Variants in ROCK2 observed in about 807,000 individuals in gnomAD.
ROCK2 encodes Rho associated coiled-coil containing protein kinase 2, also known as rho-associated protein kinase 2.
In ROCK2, 61 loss-of-function variants were observed where a neutral mutation model predicts 195.1. The ratio of observed to expected loss-of-function variants is 0.31; its 90% CI spans 0.25 to 0.39. ROCK2 has a LOEUF of 0.39. Among genes scored for constraint, ROCK2 ranks in the 10% least tolerant of loss-of-function variants. The pLI is 1.00. For synonymous variants in ROCK2, 504 were observed against 545.5 expected, an observed-to-expected ratio of 0.92 and a Z score of 1.06; for missense variants, 1,109 against 1,637.4, an observed-to-expected ratio of 0.68 and a Z score of 5.57.
chr2:11,260,747 T>C (rs1456295093), intron 3 of ROCK2, among the ~76,000 whole-genome samples: 1 of 152,148 alleles, frequency 6.6e-6, no homozygotes, highest in Non-Finnish European at 1.5e-5. Flanking sequence ...TAAACTAGCA[T>C]TTACATATGA....
At chr2:11,251,216 C>G (rs1442672677) in intron 3 of ROCK2, among the ~76,000 whole-genome samples, 1 of 152,194 alleles carries the variant, frequency 6.6e-6, no homozygotes. Context: ...TCACCTATTT[C>G]TCAGCACCAG....
chr2:11,264,908 A>G (rs1342250702), intron 3 of ROCK2, among the ~76,000 whole-genome samples: 1 of 152,340 alleles, frequency 6.6e-6, no homozygotes, highest in African/African-American at 2.4e-5. Context: ...GGTGAAGTCT[A>G]TATTTATTGA....
chr2:11,258,894 C>T (rs1572323611), intron 3 of ROCK2, among the ~76,000 whole-genome samples: 2 of 150,428 alleles, frequency 1.3e-5, no homozygotes, highest in East Asian at 3.9e-4. Flanking sequence ...AAAAAGAAAA[C>T]TGAAAAGGGA....
intron 3 of ROCK2, among the ~76,000 whole-genome samples, chr2:11,266,662 C>G (rs1232053068): frequency 3.3e-5 from 5 of 152,186 alleles, no homozygotes; most frequent in East Asian, 1.9e-4. Context: ...AAATGTGGAA[C>G]AGTCCACACA....
In ROCK2 at chr2:11,201,194, G is replaced by A; in HGVS notation, c.2724-51C>T. 6.4e-7 allele frequency: 1 copy of A among 1,558,566 alleles called. No homozygotes were observed. The highest frequency in any genetic ancestry group is 8.7e-7 in the Non-Finnish European group (1 of 1,149,990). ...AATGGTTCAGTTTTCACTATGAAGT[G>A]AAAGTTTTTGTCTAATTCACTTCAT... On this transcript the variant is annotated intron_variant, in intron 22 of 32. Coordinates refer to ENST00000315872, the MANE Select transcript of ROCK2 (RefSeq NM_004850.5). The surrounding 1 kb of genome is among the most constrained non-coding windows in gnomAD (Gnocchi z 4.6).
intron 3 of ROCK2, among the ~76,000 whole-genome samples, chr2:11,257,726 G>GTGA (rs1447483586): frequency 6.6e-6 from 1 of 151,352 alleles, no homozygotes; most frequent in Non-Finnish European, 1.5e-5. Context: ...TGTCCTTAAA[G>GTGA]CTCAGCCAGC....
intron 1 of ROCK2, among the ~76,000 whole-genome samples, chr2:11,334,383 C>T (rs1355092124): frequency 6.6e-6 from 1 of 151,912 alleles, no homozygotes; most frequent in Admixed American, 6.6e-5. Context: ...TGGTGGTGCA[C>T]ACCTGTAGTC....
At chr2:11,198,877 A>AT (rs1663740907) in intron 23 of ROCK2, 103 bp from the exon 24 acceptor site, 10 of 562,666 alleles carry the variant, frequency 1.8e-5, no homozygotes, top group Non-Finnish European at 1.1e-5. Context: ...TAAACCTCTT[A>AT]TTTTTCTTTT....
intron 12 of ROCK2, among the ~76,000 whole-genome samples, chr2:11,216,514 C>CTT (rs78853931): frequency 2.2e-5 from 3 of 139,364 alleles, no homozygotes; most frequent in Non-Finnish European, 4.7e-5. Context: ...TTTCTTTTTT[C>CTT]TTTTTTTTTT....
intron 1 of ROCK2, among the ~76,000 whole-genome samples, chr2:11,306,737 G>A (rs1348989454): frequency 6.6e-6 from 1 of 152,220 alleles, no homozygotes; most frequent in Admixed American, 6.5e-5. Context: ...CAGCATAAAT[G>A]GATGAGCTAA....
chr2:11,278,225 T>C (rs1010641415), intron 3 of ROCK2, among the ~76,000 whole-genome samples: 1 of 152,204 alleles, frequency 6.6e-6, no homozygotes, highest in Non-Finnish European at 1.5e-5. Flanking sequence ...TTGACAAAGA[T>C]CTCCCTAGCT....
chr2:11,270,262 C>T (rs1666580534), intron 3 of ROCK2, among the ~76,000 whole-genome samples: 1 of 152,004 alleles, frequency 6.6e-6, no homozygotes, highest in Non-Finnish European at 1.5e-5. Flanking sequence ...GTTTGTTAGG[C>T]TTTTTCTTCT....
At chr2:11,261,119 G>A (rs974006979) in intron 3 of ROCK2, among the ~76,000 whole-genome samples, 13 of 152,178 alleles carry the variant, frequency 8.5e-5, no homozygotes, top group African/African-American at 3.1e-4. Context: ...CTAGTTCATA[G>A]GGCCTGAATT....
rs869060690 is a variant in ROCK2 at position 11,188,623 on chromosome 2, A to AT, written c.4163+3524dup. 2.7e-4 allele frequency among the ~76,000 whole-genome samples: 15 copies of AT among 55,142 alleles called. No homozygotes were observed. The Admixed American group carries it at 3.6e-3, about 13-fold the overall frequency. The allele number at this position is 55,142 out of a possible 152,430, so 36.2% of individuals were successfully genotyped here. A position where few individuals can be genotyped will look rare whatever the true frequency, so the allele number is the denominator to read the frequency against. ...TAATTTCTAGTCTTATTTTATTTTT[A>AT]TTTTTTTATTTTTATTTTTTGAGAC... On this transcript the variant is annotated intron_variant, in intron 32 of 32. Transcript: ENST00000315872.
chr2:11,206,639 A>G (rs532874104), intron 20 of ROCK2, among the ~76,000 whole-genome samples: 1 of 152,348 alleles, frequency 6.6e-6, no homozygotes, highest in East Asian at 1.9e-4. Context: ...TTTCTTAGAT[A>G]GCATCAGTCT....
Position 11,180,502 on chromosome 2 carries a change from A to T in ROCK2, c.*2935T>A, listed in dbSNP as rs1162644494. On this transcript the variant is annotated 3_prime_UTR_variant, in exon 33 of 33. Transcript: ENST00000315872. ...TTGTTTCTAGAGAACATGGTTTTTT[A>T]AAATTAATACTTTAAAAACATTCAC... 1 of 152,178 alleles carries T rather than the reference A, an allele frequency of 6.6e-6. No individual in the cohort carries two copies. Among genetic ancestry groups the T allele is most frequent in the Admixed American group, 6.5e-5 (1 of 15,286 alleles). 9.4% of individuals were successfully genotyped at this position (152,178 alleles called of 1,614,324 possible).
intron 3 of ROCK2, among the ~76,000 whole-genome samples, chr2:11,275,695 C>CTTTTTTT: frequency 9.1e-6 from 1 of 110,206 alleles, no homozygotes; most frequent in South Asian, 3.0e-4. Context: ...ATTCAACAAT[C>CTTTTTTT]TTTTTTTTTT....
chr2:11,311,540 C>G (rs1668035977), intron 1 of ROCK2, among the ~76,000 whole-genome samples: 1 of 152,128 alleles, frequency 6.6e-6, no homozygotes, highest in Non-Finnish European at 1.5e-5. Context: ...ACTAGACCAA[C>G]CCTCAAAAGA....
chr2:11,204,287 T>C (rs1448039844), intron 20 of ROCK2, among the ~76,000 whole-genome samples: 2 of 152,154 alleles, frequency 1.3e-5, no homozygotes, highest in Non-Finnish European at 2.9e-5. Context: ...GTATCACTCA[T>C]CTAAGTGGTA....
Sources: allele counts gnomAD v4.1 joint callset (sites outside exome capture counted in the v4.1 genomes callset), GRCh38; gene constraint gnomAD v4.1.1; non-coding constraint Gnocchi (gnomAD v3.1); transcripts MANE v1.5; gene names NCBI Gene and HGNC (gene_info 2026-07-23, HGNC 2026-07-21).